Variants in ST3GAL3 observed in about 807,000 individuals in gnomAD.
The protein encoded by ST3GAL3 is ST3 beta-galactoside alpha-2,3-sialyltransferase 3.
Under a neutral mutation model 50.1 loss-of-function variants are expected in ST3GAL3, and 21 were observed. That is an observed-to-expected ratio of 0.42 (90% CI 0.30 to 0.60). The LOEUF is 0.60. Among genes scored for constraint, ST3GAL3 ranks in the 20% least tolerant of loss-of-function variants. The probability of loss-of-function intolerance (pLI) is 0.19; values close to 1 mark genes in which losing one functional copy is unlikely to be tolerated. For missense variants in ST3GAL3, 353 were observed against 489.4 expected (o/e 0.72, Z 2.63); for synonymous variants, 183 against 190.0 (o/e 0.96, Z 0.30).
chr1:43,898,655 C>A (rs1290473929), intron 7 of ST3GAL3, among the ~76,000 whole-genome samples: 1 of 152,150 alleles, frequency 6.6e-6, no homozygotes, highest in Non-Finnish European at 1.5e-5. Flanking sequence ...AGCTCCCAAA[C>A]CAACAGACCC....
chr1:43,753,547 G>T (rs1041607371), intron 2 of ST3GAL3, among the ~76,000 whole-genome samples: 1 of 152,174 alleles, frequency 6.6e-6, no homozygotes, highest in Non-Finnish European at 1.5e-5. Context: ...TTCTGAGAGG[G>T]TATGTGATGG....
chr1:43,796,071 A>G (rs1483087099), intron 3 of ST3GAL3, among the ~76,000 whole-genome samples: 1 of 152,174 alleles, frequency 6.6e-6, no homozygotes, highest in Admixed American at 6.5e-5. Flanking sequence ...AGGCAATCCC[A>G]CAGTGATGGT....
At chr1:43,878,578 A>G (rs887786496) in intron 5 of ST3GAL3, among the ~76,000 whole-genome samples, 1 of 152,188 alleles carries the variant, frequency 6.6e-6, no homozygotes, top group Non-Finnish European at 1.5e-5. Flanking sequence ...CTAAGGCAGC[A>G]AGGAGTGTGG....
At chr1:43,925,118 C>T (rs1422296921) in intron 11 of ST3GAL3, among the ~76,000 whole-genome samples, 6 of 151,988 alleles carry the variant, frequency 3.9e-5, no homozygotes, top group African/African-American at 1.2e-4. Flanking sequence ...GGTGAAACCC[C>T]GTCTCTGCTA....
chr1:43,778,663 T>TTTTTTTTTG (rs1698218242), intron 2 of ST3GAL3, among the ~76,000 whole-genome samples: 1 of 132,340 alleles, frequency 7.6e-6, no homozygotes, highest in Non-Finnish European at 1.7e-5. Context: ...TTTTTTTTTT[T>TTTTTTTTTG]GAGACGGAGT....
rs3791103 is a variant in ST3GAL3, at chr1:43,900,999, C to T, written c.744+1272C>T. Among the ~76,000 whole-genome samples the T allele has an allele frequency of 5.0e-3, 763 of 152,374 alleles. 31 individuals carry two copies. In the East Asian group the frequency reaches 0.1, roughly 20 times the overall value. On this transcript the variant is annotated intron_variant, in intron 9 of 11. Transcript: ENST00000347631. Reference sequence around the variant, plus strand: ...CAACTTCAAGCAGGCCCACTGCCCACACAGACCAGGTAAATAACAGCGGTT... The same window carrying T: ...CAACTTCAAGCAGGCCCACTGCCCATACAGACCAGGTAAATAACAGCGGTT...
At chr1:43,826,142 C>T (rs747880927) in intron 4 of ST3GAL3, among the ~76,000 whole-genome samples, 4 of 151,962 alleles carry the variant, frequency 2.6e-5, no homozygotes, top group African/African-American at 4.8e-5. Context: ...CTGGTAATCC[C>T]GTCTACTTAG....
intron 9 of ST3GAL3, among the ~76,000 whole-genome samples, chr1:43,917,956 C>A (rs981362798): frequency 6.6e-6 from 1 of 151,256 alleles, no homozygotes; most frequent in African/African-American, 2.4e-5. Flanking sequence ...GTGTGAACCA[C>A]CACGCCCAGC....
chr1:43,873,935 G>A (rs1053573903), intron 5 of ST3GAL3, among the ~76,000 whole-genome samples: 1 of 152,080 alleles, frequency 6.6e-6, no homozygotes, highest in African/African-American at 2.4e-5. Context: ...AGAGAAGCTG[G>A]GACTGAGCCC....
At chr1:43,909,136 C>T (rs1421505614) in intron 9 of ST3GAL3, among the ~76,000 whole-genome samples, 1 of 152,166 alleles carries the variant, frequency 6.6e-6, no homozygotes, top group Non-Finnish European at 1.5e-5. Context: ...AGTTGGTATA[C>T]ATAAGTAAAT....
chr1:43,734,305 TTTG>T (rs1677334974), intron 1 of ST3GAL3, among the ~76,000 whole-genome samples: 2 of 120,272 alleles, frequency 1.7e-5, no homozygotes, highest in African/African-American at 3.3e-5. Context: ...TTCTTTTTTT[TTTG>T]TTTTTTTTTT....
At chr1:43,800,651 A>G (rs2059210076) in intron 3 of ST3GAL3, among the ~76,000 whole-genome samples, 1 of 152,142 alleles carries the variant, frequency 6.6e-6, no homozygotes, top group Admixed American at 6.5e-5. Flanking sequence ...TCTTGAACAT[A>G]TCTCCCCTGT....
chr1:43,832,444 A>G (rs982198030), intron 4 of ST3GAL3, among the ~76,000 whole-genome samples: 2 of 152,346 alleles, frequency 1.3e-5, no homozygotes, highest in Admixed American at 1.3e-4. Context: ...CTGTACACGT[A>G]TCATGATGGC....
intron 2 of ST3GAL3, among the ~76,000 whole-genome samples, chr1:43,744,288 C>T (rs1052146152): frequency 2.6e-5 from 4 of 152,054 alleles, no homozygotes; most frequent in East Asian, 1.9e-4. Context: ...CTTGCTCTCT[C>T]GCCCATGCTG....
chr1:43,724,165 A>G (rs1237159859), intron 1 of ST3GAL3, among the ~76,000 whole-genome samples: 3 of 152,180 alleles, frequency 2.0e-5, no homozygotes, highest in African/African-American at 7.2e-5. Context: ...TACAAATTAT[A>G]TTGTGTCTAG....
At position 43,898,271 on chromosome 1, in the gene ST3GAL3, A is replaced by T; in HGVS notation, c.434A>T (p.Glu145Val). 1 of 1,613,888 alleles carries T rather than the reference A, an allele frequency of 6.2e-7. No homozygotes were observed. The highest frequency in any genetic ancestry group is 1.1e-5 in the South Asian group (1 of 91,086). The part of the protein sequence containing the change: ...LIKAILSVTK[E>V]YRLTPALDSL... The stretch of plus-strand genomic sequence containing the variant: ...AAAGCCATCTTGTCAGTCACCAAAG[A>T]GTACCGCCTGACCCCTGCCTTGGAC... The change falls in exon 7 of 12, where the codon GAG becomes GTG. Residue 145 changes from glutamate to valine, a missense_variant. Coordinates refer to ENST00000347631, the MANE Select transcript of ST3GAL3 (RefSeq NM_006279.5).
chr1:43,878,153 C>T (rs990937869), intron 5 of ST3GAL3, among the ~76,000 whole-genome samples: 7 of 152,182 alleles, frequency 4.6e-5, no homozygotes. Flanking sequence ...CTCGTGGCCG[C>T]ATCTCTCCAG....
At chr1:43,794,413 A>G (rs529977780) in intron 3 of ST3GAL3, among the ~76,000 whole-genome samples, 2 of 150,470 alleles carry the variant, frequency 1.3e-5, no homozygotes, top group African/African-American at 4.8e-5. Context: ...GACAATTCCA[A>G]TGTTGATAAG....
rs1372135494 is a variant in ST3GAL3 at position 43,899,068 on chromosome 1, C to T, written c.462-100C>T. On this transcript the variant is annotated intron_variant, in intron 7 of 11. Transcript: ENST00000347631. This position sits in a 1 kb window ranked among gnomAD's most constrained non-coding sequence, Gnocchi z 5.4. Reference sequence around the variant, plus strand: ...ATTGGTCTTCTTCCTCTATCCCAGCCTGGTCCTGGACAAGGGCGTGGGGTC... The same window carrying T: ...ATTGGTCTTCTTCCTCTATCCCAGCTTGGTCCTGGACAAGGGCGTGGGGTC... 1 of 1,549,014 alleles carries T rather than the reference C, an allele frequency of 6.5e-7. No individual in the cohort carries two copies. Among genetic ancestry groups the T allele is most frequent in the East Asian group, 2.3e-5 (1 of 43,346 alleles).
Sources: gnomAD v4.1 joint callset for allele counts (sites outside exome capture counted in the v4.1 genomes callset) on GRCh38, gnomAD v4.1.1 for gene constraint, Gnocchi (gnomAD v3.1) non-coding constraint, MANE v1.5 for transcripts, NCBI Gene and HGNC (gene_info 2026-07-23, HGNC 2026-07-21) for gene names.